NXPH2: variants seen among roughly 807,000 people sequenced by gnomAD.
The protein encoded by NXPH2 is neurexophilin-2.
A neutral mutation model predicts 19.8 loss-of-function variants in NXPH2; 5 were observed. That is an observed-to-expected ratio of 0.25 (90% CI 0.13 to 0.53). The LOEUF (loss-of-function observed/expected upper bound fraction) is 0.53, where lower values mean the gene tolerates loss of function less well. Ranked by LOEUF, NXPH2 falls within the 20% of genes least tolerant of loss-of-function variation. NXPH2 has a pLI of 0.96. For missense variants in NXPH2, 289 were observed against 322.8 expected (o/e 0.90, Z 0.80); for synonymous variants, 154 against 127.4 (o/e 1.21, Z -1.41).
At chr2:138,732,496 C>A (rs1052341705) in intron 1 of NXPH2, among the ~76,000 whole-genome samples, 4 of 152,154 alleles carry the variant, frequency 2.6e-5, no homozygotes, top group African/African-American at 9.7e-5. Flanking sequence ...TCAATGTCAG[C>A]CTTGGGCTGT....
intron 1 of NXPH2, among the ~76,000 whole-genome samples, chr2:138,686,663 T>C (rs1019166163): frequency 7.2e-5 from 11 of 152,298 alleles, no homozygotes; most frequent in Admixed American, 1.3e-4. Flanking sequence ...TAACTCGTCA[T>C]TTACATTAGG....
rs559883438 is a variant in NXPH2, at chr2:138,699,810, T to G, written c.52-28145A>C. ...TCAGCTGCGAAAACACGTTCATGCG[T>G]ATTTTCTTGTTAATAGCAATCTTTA... On this transcript the variant is annotated intron_variant, in intron 1 of 1. Transcript: ENST00000272641. Among the ~76,000 whole-genome samples the G allele has an allele frequency of 5.9e-5, 9 of 152,356 alleles. No individual in the cohort carries two copies. The South Asian group carries it at 1.9e-3, about 32-fold the overall frequency.
chr2:138,744,389 G>C lies in NXPH2; in HGVS notation c.51+35802C>G, dbSNP rs118076212. On this transcript the variant is annotated intron_variant, in intron 1 of 1. Transcript: ENST00000272641. Reference sequence around the variant, plus strand: ...GCTTTTCCAGAGGGAGGGAATGAGAGAGAATAGTAATGCATTGTTATCTTT... The same window carrying C: ...GCTTTTCCAGAGGGAGGGAATGAGACAGAATAGTAATGCATTGTTATCTTT... Among the ~76,000 whole-genome samples, 5 of 152,044 alleles carry C rather than the reference G, an allele frequency of 3.3e-5. No individual in the cohort carries two copies. In the East Asian group the frequency reaches 9.6e-4, roughly 29 times the overall value.
intron 1 of NXPH2, among the ~76,000 whole-genome samples, chr2:138,706,216 A>G (rs1037863266): frequency 1.3e-5 from 2 of 152,170 alleles, no homozygotes; most frequent in Non-Finnish European, 2.9e-5. Flanking sequence ...CCTCACAACA[A>G]CCCTGAGAGG....
At chr2:138,729,619 G>A (rs995240620) in intron 1 of NXPH2, among the ~76,000 whole-genome samples, 3 of 152,082 alleles carry the variant, frequency 2.0e-5, no homozygotes, top group Admixed American at 2.0e-4. Context: ...TTTTTGCTAT[G>A]GCCAAAATGT....
chr2:138,764,818 C>T (rs1040580208), intron 1 of NXPH2, among the ~76,000 whole-genome samples: 4 of 152,170 alleles, frequency 2.6e-5, no homozygotes, highest in African/African-American at 7.2e-5. Flanking sequence ...CTTAAAAATA[C>T]CTGATTTATC....
intron 1 of NXPH2, among the ~76,000 whole-genome samples, chr2:138,729,078 G>A (rs867162304): frequency 6.6e-6 from 1 of 152,116 alleles, no homozygotes; most frequent in Non-Finnish European, 1.5e-5. Context: ...AGATTACAAT[G>A]TATGGTTCCA....
At chr2:138,731,594 C>T (rs1681451597) in intron 1 of NXPH2, among the ~76,000 whole-genome samples, 1 of 151,938 alleles carries the variant, frequency 6.6e-6, no homozygotes, top group Non-Finnish European at 1.5e-5. Context: ...TCCAAGTTCA[C>T]CAGGAAATAC....
intron 1 of NXPH2, among the ~76,000 whole-genome samples, chr2:138,745,776 C>A (rs1681720926): frequency 6.6e-6 from 1 of 151,924 alleles, no homozygotes; most frequent in East Asian, 1.9e-4. Flanking sequence ...AATTTCAGGA[C>A]AGCTGTTACC....
chr2:138,704,407 T>C (rs2104983970), intron 1 of NXPH2, among the ~76,000 whole-genome samples: 1 of 152,344 alleles, frequency 6.6e-6, no homozygotes, highest in South Asian at 2.1e-4. Flanking sequence ...ACTTCTGTGT[T>C]TGGAAACTTT....
Position 138,671,492 on chromosome 2 carries a change from G to C in NXPH2, c.225C>G (p.Asp75Glu). ...GCCAATCCCAAAAGTTTTCCATGCT[G>C]TCTGCGTACGCCATGGGGCCGGGCT... ...VPKPGPMAYA[D>E]SMENFWDWLA... is the part of the protein sequence containing the mutation. Residue 75 changes from aspartate to glutamate, a missense_variant, in exon 2 of 2, where the codon GAC (aspartate) becomes GAG (glutamate). Coordinates refer to ENST00000272641, the MANE Select transcript of NXPH2 (RefSeq NM_007226.3). 6.2e-7 allele frequency: 1 copy of C among 1,613,922 alleles called. No individual in the cohort carries two copies. Among genetic ancestry groups the C allele is most frequent in the South Asian group, 1.1e-5 (1 of 91,068 alleles).
chr2:138,678,514 A>G (rs1212088596), intron 1 of NXPH2, among the ~76,000 whole-genome samples: 1 of 151,860 alleles, frequency 6.6e-6, no homozygotes, highest in Non-Finnish European at 1.5e-5. Context: ...AGGAACTCCA[A>G]AATTTCAATT....
At chr2:138,750,711 T>A (rs1007794157) in intron 1 of NXPH2, among the ~76,000 whole-genome samples, 32 of 151,896 alleles carry the variant, frequency 2.1e-4, no homozygotes, top group Non-Finnish European at 3.4e-4. Context: ...AATATCACTT[T>A]AAAAATTAAA....
chr2:138,699,257 A>G lies in NXPH2; in HGVS notation c.52-27592T>C, dbSNP rs112939291. On this transcript the variant is annotated intron_variant, in intron 1 of 1. Coordinates refer to ENST00000272641, the MANE Select transcript of NXPH2 (RefSeq NM_007226.3). ...AAAGTACAAATCTTAATCTTTGGGGAGCAGAACAAATAAAAGTGTCTATGG... is the reference window on the plus strand; with the variant it reads ...AAAGTACAAATCTTAATCTTTGGGGGGCAGAACAAATAAAAGTGTCTATGG... Among the ~76,000 whole-genome samples the G allele has an allele frequency of 1.7e-3, 265 of 152,254 alleles. 1 individual carries two copies. Among genetic ancestry groups the G allele is most frequent in the African/African-American group, 6.2e-3 (256 of 41,548 alleles).
chr2:138,716,280 A>G (rs1039832778), intron 1 of NXPH2, among the ~76,000 whole-genome samples: 1 of 152,124 alleles, frequency 6.6e-6, no homozygotes, highest in Non-Finnish European at 1.5e-5. Flanking sequence ...CATAAAATGG[A>G]TGGTAGTAGG....
intron 1 of NXPH2, among the ~76,000 whole-genome samples, chr2:138,688,204 G>A (rs917169050): frequency 2.6e-5 from 4 of 152,136 alleles, no homozygotes; most frequent in Admixed American, 2.6e-4. Flanking sequence ...TTGTGTTGGA[G>A]ATGGAGTCTT....
At chr2:138,671,717 G>A (rs1432103405) in intron 1 of NXPH2, 52 bp from the exon 2 acceptor site, 2 of 1,489,202 alleles carry the variant, frequency 1.3e-6, no homozygotes, top group African/African-American at 1.4e-5. Context: ...CCGTGACTGC[G>A]CACTCAAACT....
In NXPH2 at chr2:138,700,653, C is replaced by G. The variant is rs1466682462; in HGVS notation, c.52-28988G>C. 2.0e-5 allele frequency among the ~76,000 whole-genome samples: 3 copies of G among 152,140 alleles called. No homozygotes were observed. The East Asian group carries it at 5.8e-4, about 30-fold the overall frequency. ...CCTTTAAATATGGGCTTCCTTCCCC[C>G]TCGTGCAAGACATAAAAATGGGAAT... On this transcript the variant is annotated intron_variant, in intron 1 of 1. Transcript: ENST00000272641.
At chr2:138,703,987 C>T (rs1680970504) in intron 1 of NXPH2, among the ~76,000 whole-genome samples, 1 of 152,166 alleles carries the variant, frequency 6.6e-6, no homozygotes, top group Non-Finnish European at 1.5e-5. Flanking sequence ...TTTATTACAC[C>T]ACTTGCTAAA....
Sources: allele counts gnomAD v4.1 joint callset (sites outside exome capture counted in the v4.1 genomes callset), GRCh38; gene constraint gnomAD v4.1.1; transcripts MANE v1.5; gene names NCBI Gene and HGNC (gene_info 2026-07-23, HGNC 2026-07-21).